The following THSD4 variants were observed in gnomAD, a reference collection of about 807,000 sequenced individuals.
THSD4 encodes the protein thrombospondin type-1 domain-containing protein 4.
A neutral mutation model predicts 119.0 loss-of-function variants in THSD4; 69 were observed. The observed-to-expected ratio is 0.58, with a 90% CI of 0.48 to 0.71. The LOEUF is 0.71. Ranked by LOEUF, THSD4 falls within the 30% of genes least tolerant of loss-of-function variation. The pLI, the probability that THSD4 is intolerant of heterozygous loss-of-function variation, is 0.00. For missense variants in THSD4, 1,393 were observed against 1,391.1 expected, an observed-to-expected ratio of 1.00 and a Z score of -0.02; for synonymous variants, 524 against 540.4, an observed-to-expected ratio of 0.97 and a Z score of 0.42.
intron 3 of THSD4, among the ~76,000 whole-genome samples, chr15:71,199,727 AG>A (rs1229218407): frequency 8.1e-4 from 16 of 19,780 alleles, no homozygotes; most frequent in South Asian, 4.2e-3. Flanking sequence ...GTGTGTGTGT[AG>A]TGTGTGTGTA....
chr15:71,611,284 C>G (rs2050220159), intron 7 of THSD4, among the ~76,000 whole-genome samples: 1 of 152,198 alleles, frequency 6.6e-6, no homozygotes, highest in South Asian at 2.1e-4. Flanking sequence ...CTGGTCTTCT[C>G]TTTTCTGCAT....
At chr15:71,750,169 C>T (rs1036560925) in intron 14 of THSD4, among the ~76,000 whole-genome samples, 1 of 152,172 alleles carries the variant, frequency 6.6e-6, no homozygotes, top group African/African-American at 2.4e-5. Context: ...AGCCCATGAG[C>T]CCCCACCCCG....
At chr15:71,453,347 C>T (rs976202405) in intron 7 of THSD4, among the ~76,000 whole-genome samples, 1 of 152,210 alleles carries the variant, frequency 6.6e-6, no homozygotes, top group Non-Finnish European at 1.5e-5. Context: ...CCAGTTCTTA[C>T]AAGTTCAAAG....
intron 7 of THSD4, among the ~76,000 whole-genome samples, chr15:71,436,401 G>C (rs1226095381): frequency 6.6e-6 from 1 of 152,214 alleles, no homozygotes; most frequent in African/African-American, 2.4e-5. Flanking sequence ...TCAAACAAGT[G>C]CTTTTCTCCC....
chr15:71,209,892 T>C (rs898429420), intron 3 of THSD4, among the ~76,000 whole-genome samples: 1 of 152,212 alleles, frequency 6.6e-6, no homozygotes, highest in Non-Finnish European at 1.5e-5. Flanking sequence ...AGTTTCCCTG[T>C]ACAATTTTCT....
intron 7 of THSD4, among the ~76,000 whole-genome samples, chr15:71,611,771 G>A (rs370869471): frequency 1.3e-5 from 2 of 152,238 alleles, no homozygotes; most frequent in East Asian, 3.8e-4. Flanking sequence ...GACAAATAAG[G>A]CAGAGCCTAC....
At chr15:71,315,494 G>A (rs1018788958) in intron 6 of THSD4, among the ~76,000 whole-genome samples, 7 of 152,164 alleles carry the variant, frequency 4.6e-5, no homozygotes, top group Non-Finnish European at 8.8e-5. Context: ...GGCACACAGC[G>A]GGTGGTCTTC....
chr15:71,602,193 T>A (rs1213467897), intron 7 of THSD4, among the ~76,000 whole-genome samples: 1 of 152,010 alleles, frequency 6.6e-6, no homozygotes. Context: ...AGCCAAAAAA[T>A]AATTAATATA....
chr15:71,219,620 A>G (rs569424758), intron 4 of THSD4, among the ~76,000 whole-genome samples: 18 of 152,342 alleles, frequency 1.2e-4, no homozygotes, highest in Admixed American at 1.1e-3. Flanking sequence ...AATGCCTTCA[A>G]TATAAGGCAG....
In THSD4 at chr15:71,748,537, G is replaced by T. The variant is rs939625532; in HGVS notation, c.2358G>T (p.Glu786Asp). The T allele has an allele frequency of 6.2e-7, 1 of 1,614,238 alleles. No individual in the cohort carries two copies. The highest frequency in any genetic ancestry group is 8.5e-7 in the Non-Finnish European group (1 of 1,180,048). The change falls in exon 14 of 18, where the codon GAG becomes GAT. Residue 786 changes from glutamate (E) to aspartate (D), a missense_variant. Physicochemically the swap from Glu to Asp is conservative, Grantham distance 45 (BLOSUM62 2). Coordinates refer to ENST00000261862, the MANE Select transcript of THSD4 (RefSeq NM_024817.3). ...CNMKLRPNDI[E>D]NCDMGPCAKS... Reference sequence around the variant, plus strand: ...TGAAGCTCCGGCCGAATGACATTGAGAACTGCGACATGGGACCCTGTGCCA... The same window carrying T: ...TGAAGCTCCGGCCGAATGACATTGATAACTGCGACATGGGACCCTGTGCCA...
At chr15:71,569,878 T>C (rs2140897456) in intron 7 of THSD4, among the ~76,000 whole-genome samples, 1 of 152,214 alleles carries the variant, frequency 6.6e-6, no homozygotes, top group Admixed American at 6.5e-5. Flanking sequence ...CCTGTAATTC[T>C]AGCTACTCAG....
chr15:71,357,894 G>C (rs896562042), intron 6 of THSD4, among the ~76,000 whole-genome samples: 14 of 152,158 alleles, frequency 9.2e-5, no homozygotes, highest in Non-Finnish European at 1.9e-4. Context: ...TATTCAAAGA[G>C]GGGGAAAAAG....
chr15:71,580,593 G>A (rs2049539465), intron 7 of THSD4, among the ~76,000 whole-genome samples: 1 of 152,064 alleles, frequency 6.6e-6, no homozygotes, highest in Non-Finnish European at 1.5e-5. Flanking sequence ...TTTATCTTGT[G>A]TAACTGAAAC....
chr15:71,390,027 A>T (rs929963881), intron 6 of THSD4, among the ~76,000 whole-genome samples: 1 of 150,948 alleles, frequency 6.6e-6, no homozygotes, highest in African/African-American at 2.4e-5. Context: ...CTGGTCTTGA[A>T]CTCCTGACTT....
intron 8 of THSD4, among the ~76,000 whole-genome samples, chr15:71,719,446 A>G (rs2052672774): frequency 6.6e-6 from 1 of 152,214 alleles, no homozygotes; most frequent in South Asian, 2.1e-4. Flanking sequence ...ACCTAAGGAG[A>G]AATGTTTGCT....
chr15:71,567,121 C>G (rs1042679200), intron 7 of THSD4, among the ~76,000 whole-genome samples: 1 of 152,132 alleles, frequency 6.6e-6, no homozygotes, highest in Admixed American at 6.5e-5. Context: ...CTGTGGCATT[C>G]ATAATGTGGA....
Position 71,420,120 on chromosome 15 carries a change from T to C in THSD4, c.1152+8297T>C, listed in dbSNP as rs2046792706. On this transcript the variant is annotated intron_variant, in intron 7 of 17. Transcript: ENST00000261862. ...TGTATTGGCATCTGTCTCTTTTTTT[T>C]AGTTTTAGTACTATTTGCTTTATAT... Among the ~76,000 whole-genome samples, 2 of 108,752 alleles carry C rather than the reference T, an allele frequency of 1.8e-5. 1 individual carries two copies. The highest frequency in any genetic ancestry group is 6.3e-5 in the African/African-American group (2 of 31,998). 71.3% of individuals were successfully genotyped at this position (108,752 alleles called of 152,430 possible).
intron 4 of THSD4, among the ~76,000 whole-genome samples, chr15:71,227,497 G>A (rs1400616385): frequency 2.0e-5 from 3 of 152,184 alleles, no homozygotes; most frequent in Non-Finnish European, 2.9e-5. Flanking sequence ...GGTTGCTATC[G>A]TTTCCTTTGC....
At chr15:71,224,476 C>A (rs1428881108) in intron 4 of THSD4, among the ~76,000 whole-genome samples, 2 of 152,218 alleles carry the variant, frequency 1.3e-5, no homozygotes, top group Non-Finnish European at 2.9e-5. Context: ...CCGTCTCTGT[C>A]AATCCAAGAA....
Sources: gnomAD v4.1 joint callset for allele counts (sites outside exome capture counted in the v4.1 genomes callset) on GRCh38, gnomAD v4.1.1 for gene constraint, MANE v1.5 for transcripts, NCBI Gene and HGNC (gene_info 2026-07-23, HGNC 2026-07-21) for gene names.